FAM187B: variants seen among roughly 807,000 people sequenced by gnomAD.
FAM187B encodes the protein protein FAM187B.
Under a neutral mutation model 22.6 loss-of-function variants are expected in FAM187B, and 22 were observed. The observed-to-expected ratio is 0.97, with a 90% confidence interval of 0.70 to 1.39. The LOEUF (loss-of-function observed/expected upper bound fraction) is 1.39, where lower values mean the gene tolerates loss of function less well. FAM187B is among the 40% of genes most tolerant of loss of function. The probability of loss-of-function intolerance (pLI) is 0.00; values close to 1 mark genes in which losing one functional copy is unlikely to be tolerated. For synonymous variants in FAM187B, 192 were observed against 201.8 expected (o/e 0.95, Z 0.41); for missense variants, 433 against 462.1 (o/e 0.94, Z 0.58).
intron 1 of FAM187B, among the ~76,000 whole-genome samples, chr19:35,225,431 T>TCCACC (rs1162807261): frequency 6.6e-6 from 1 of 151,778 alleles, no homozygotes; most frequent in Non-Finnish European, 1.5e-5. Context: ...TCTTCCTGGC[T>TCCACC]CCACCCCTTA....
At chr19:35,226,446 G>A (rs965491066) in intron 1 of FAM187B, among the ~76,000 whole-genome samples, 2 of 152,128 alleles carry the variant, frequency 1.3e-5, no homozygotes, top group Non-Finnish European at 2.9e-5. Context: ...CAGGGTGAAA[G>A]AGCAAGACCC....
rs758707626 is a variant in FAM187B at position 35,225,223 on chromosome 19, G to T, written c.723-11C>A. On this transcript the variant is annotated splice_polypyrimidine_tract_variant and intron_variant, in intron 1 of 1. Transcript: ENST00000324675. The stretch of plus-strand genomic sequence containing the variant: ...CGCCAGTTGACGGGCCTGCGAGGAG[G>T]ACAAGGTCAGGTGCAGGGCCAGGGA... The T allele has an allele frequency of 6.8e-7, 1 of 1,476,672 alleles. No homozygotes were observed. Among genetic ancestry groups the T allele is most frequent in the Non-Finnish European group, 9.0e-7 (1 of 1,112,690 alleles). 91.5% of individuals were successfully genotyped at this position (1,476,672 alleles called of 1,614,324 possible).
At chr19:35,227,544 G>A (rs1187592516) in intron 1 of FAM187B, among the ~76,000 whole-genome samples, 1 of 149,360 alleles carries the variant, frequency 6.7e-6, no homozygotes, top group Non-Finnish European at 1.5e-5. Flanking sequence ...AGGGGCAGGT[G>A]GACTGGGGGA....
chr19:35,228,695 G>A lies in FAM187B; in HGVS notation c.-15C>T. 1 of 1,591,568 alleles carries A rather than the reference G, an allele frequency of 6.3e-7. No homozygotes were observed. Among genetic ancestry groups the A allele is most frequent in the South Asian group, 1.1e-5 (1 of 87,882 alleles). On this transcript the variant is annotated 5_prime_UTR_variant, in exon 1 of 2. Coordinates refer to ENST00000324675, the MANE Select transcript of FAM187B (RefSeq NM_152481.2). ...ATGGGTGGCATGGTGGACTGGGGCT[G>A]TGGCAGTGGGCTGGTGCCACCCCGA...
chr19:35,225,506 T>G (rs1322945685), intron 1 of FAM187B, among the ~76,000 whole-genome samples: 1 of 152,188 alleles, frequency 6.6e-6, no homozygotes, highest in Non-Finnish European at 1.5e-5. Context: ...AACTTCCATT[T>G]CTTTATGTAA....
intron 1 of FAM187B, 44 bp from the exon 2 acceptor site, chr19:35,225,256 G>A (rs1445206678): frequency 4.1e-6 from 6 of 1,447,050 alleles, no homozygotes; most frequent in Non-Finnish European, 5.5e-6. Context: ...GGAGAAAGGA[G>A]GGACCGACGT....
chr19:35,226,807 T>A (rs1343228514), intron 1 of FAM187B, among the ~76,000 whole-genome samples: 2 of 152,238 alleles, frequency 1.3e-5, no homozygotes, highest in Non-Finnish European at 2.9e-5. Flanking sequence ...GCAAGACCTC[T>A]GCACTGAGTT....
chr19:35,226,319 C>T (rs975478545), intron 1 of FAM187B, among the ~76,000 whole-genome samples: 22 of 151,922 alleles, frequency 1.4e-4, no homozygotes, highest in African/African-American at 4.8e-4. Flanking sequence ...AAAACTTAGC[C>T]GGGTGTGGTA....
In FAM187B at chr19:35,225,157, C is replaced by G. The variant is rs1307378687; in HGVS notation, c.778G>C (p.Gly260Arg). The G allele has an allele frequency of 6.4e-6, 10 of 1,557,870 alleles. No homozygotes were observed. The highest frequency in any genetic ancestry group is 3.5e-6 in the Non-Finnish European group (4 of 1,152,374). ...TPLTWESQLS[G>R]QDFTTFLDPS... is the part of the protein sequence containing the mutation. Reference sequence around the variant, plus strand: ...TCCAGAAAGGTGGTGAAGTCCTGGCCGGAGAGCTGGCTCTCCCACGTCAGG... The same window carrying G: ...TCCAGAAAGGTGGTGAAGTCCTGGCGGGAGAGCTGGCTCTCCCACGTCAGG... The change falls in exon 2 of 2, where the codon GGC (glycine) becomes CGC (arginine). Residue 260 changes from glycine (G) to arginine (R), a missense_variant. Gly to Arg is a moderately radical substitution (Grantham distance 125, BLOSUM62 -2). Coordinates refer to ENST00000324675, the MANE Select transcript of FAM187B (RefSeq NM_152481.2).
intron 1 of FAM187B, 60 bp downstream of exon 1, chr19:35,227,899 C>T: frequency 6.4e-7 from 1 of 1,554,690 alleles, no homozygotes; most frequent in South Asian, 1.2e-5. Flanking sequence ...CACATATTAC[C>T]AGGAAGGATC....
Position 35,228,673 on chromosome 19 carries a change from G to T in FAM187B, c.8C>A (p.Pro3His), listed in dbSNP as rs199927722. 6.3e-5 allele frequency: 102 copies of T among 1,606,306 alleles called. 1 individual carries two copies. In the Middle Eastern group the frequency reaches 8.3e-4, roughly 13 times the overall value. Reference protein sequence around the residue: MPPMLWLLLHFAA... With the variant: MPHMLWLLLHFAA... ...AAAGTGGAGCAGCAGCCACAGCATG[G>T]GTGGCATGGTGGACTGGGGCTGTGG... Residue 3 changes from proline (P) to histidine (H), a missense_variant, in exon 1 of 2, where the codon CCC becomes CAC. Physicochemically the swap from Pro to His is moderately conservative, Grantham distance 77 (BLOSUM62 -2). Coordinates refer to ENST00000324675, the MANE Select transcript of FAM187B (RefSeq NM_152481.2).
rs771378583 is a variant in FAM187B at position 35,224,999 on chromosome 19, G to C, written c.936C>G (p.Asn312Lys). 32 of 1,613,712 alleles carry C rather than the reference G, an allele frequency of 2.0e-5. No homozygotes were observed. The highest frequency in any genetic ancestry group is 2.7e-5 in the Non-Finnish European group (32 of 1,179,974). Residue 312 changes from asparagine to lysine, a missense_variant, in exon 2 of 2, where the codon AAC (asparagine) becomes AAG (lysine). Asn to Lys is a moderately conservative substitution (Grantham distance 94, BLOSUM62 0). Transcript: ENST00000324675. ...LETLEAQWRE[N>K]DAQWREARKA... is the part of the protein sequence containing the mutation. The stretch of plus-strand genomic sequence containing the variant: ...TCCTTGCCTCCCGCCACTGGGCATC[G>C]TTCTCTCTCCACTGAGCCTCCAGCG...
intron 1 of FAM187B, 45 bp downstream of exon 1, chr19:35,227,914 G>T: frequency 6.4e-7 from 1 of 1,562,116 alleles, no homozygotes; most frequent in South Asian, 1.2e-5. Context: ...AGGATCCCCT[G>T]ACCGGAAGAA....
Position 35,228,266 on chromosome 19 carries a change from G to GT in FAM187B, c.414dup (p.Gln139ThrfsTer17). On this transcript the variant is annotated frameshift_variant, in exon 1 of 2. Coordinates refer to ENST00000324675, the MANE Select transcript of FAM187B (RefSeq NM_152481.2). LOFTEE classifies it high-confidence loss of function. ...GGCTCCCACCAGGTAAAAATGAGCT[G>GT]TTTGCTGCCCAAATGCAGGGTCTCG... The GT allele has an allele frequency of 1.2e-6, 2 of 1,614,202 alleles. No homozygotes were observed. The highest frequency in any genetic ancestry group is 1.7e-6 in the Non-Finnish European group (2 of 1,180,036).
At position 35,225,138 on chromosome 19, in the gene FAM187B, A is replaced by C; in HGVS notation, c.797T>G (p.Phe266Cys). 2 of 1,588,986 alleles carry C rather than the reference A, an allele frequency of 1.3e-6. No homozygotes were observed. The highest frequency in any genetic ancestry group is 1.7e-6 in the Non-Finnish European group (2 of 1,167,666). The change falls in exon 2 of 2, where the codon TTT (phenylalanine) becomes TGT (cysteine). Residue 266 changes from phenylalanine (F) to cysteine (C), a missense_variant. By Grantham distance (205) the Phe-to-Cys change is radical. Coordinates refer to ENST00000324675, the MANE Select transcript of FAM187B (RefSeq NM_152481.2). ...SQLSGQDFTT[F>C]LDPSTGGRQL... ...CCTGCCGCCGGTGGAGGGGTCCAGAAAGGTGGTGAAGTCCTGGCCGGAGAG... is the reference window on the plus strand; with the variant it reads ...CCTGCCGCCGGTGGAGGGGTCCAGACAGGTGGTGAAGTCCTGGCCGGAGAG...
chr19:35,225,119 G>T lies in FAM187B; in HGVS notation c.816C>A (p.Gly272=), dbSNP rs756000177. Residue 272 remains glycine, a synonymous_variant, in exon 2 of 2, where the codon GGC becomes GGA. Transcript: ENST00000324675. ...DFTTFLDPST[G]GRQLQVFQPA... is the part of the protein sequence containing the mutation. Reference sequence around the variant, plus strand: ...GCTGGAAAACCTGCAGCTGCCTGCCGCCGGTGGAGGGGTCCAGAAAGGTGG... The same window carrying T: ...GCTGGAAAACCTGCAGCTGCCTGCCTCCGGTGGAGGGGTCCAGAAAGGTGG... 3 of 1,604,562 alleles carry T rather than the reference G, an allele frequency of 1.9e-6. No individual in the cohort carries two copies. Among genetic ancestry groups the T allele is most frequent in the East Asian group, 2.2e-5 (1 of 44,712 alleles).
intron 1 of FAM187B, 130 bp downstream of exon 1, chr19:35,227,829 G>T (rs975860602): frequency 7.3e-7 from 1 of 1,365,030 alleles, no homozygotes; most frequent in Non-Finnish European, 9.9e-7. Flanking sequence ...AGCAGGGCCT[G>T]GCACTGTCCT....
At position 35,228,432 on chromosome 19, in the gene FAM187B, T is replaced by G. The variant is rs2065668979; in HGVS notation, c.249A>C (p.Lys83Asn). Reference protein sequence around the residue: ...EIMPEGSLLIKDPLPSQTGLY... With the variant: ...EIMPEGSLLINDPLPSQTGLY... ...GGCCCGTCTGGGAGGGCAATGGATCTTTAATGAGAAGGCTGCCCTCGGGCA... is the reference window on the plus strand; with the variant it reads ...GGCCCGTCTGGGAGGGCAATGGATCGTTAATGAGAAGGCTGCCCTCGGGCA... The change falls in exon 1 of 2, where the codon AAA (lysine) becomes AAC (asparagine). Residue 83 changes from lysine (K) to asparagine (N), a missense_variant. Coordinates refer to ENST00000324675, the MANE Select transcript of FAM187B (RefSeq NM_152481.2). 3.7e-6 allele frequency: 6 copies of G among 1,614,204 alleles called. No homozygotes were observed. Among genetic ancestry groups the G allele is most frequent in the East Asian group, 4.5e-5 (2 of 44,888 alleles).
chr19:35,226,553 A>T (rs1234095861), intron 1 of FAM187B, among the ~76,000 whole-genome samples: 1 of 152,348 alleles, frequency 6.6e-6, no homozygotes, highest in East Asian at 1.9e-4. Context: ...ACTGTTTCCC[A>T]GGTCCCTAGA....
Sources: allele counts gnomAD v4.1 joint callset (sites outside exome capture counted in the v4.1 genomes callset), GRCh38; gene constraint gnomAD v4.1.1; transcripts MANE v1.5; gene names NCBI Gene and HGNC (gene_info 2026-07-23, HGNC 2026-07-21).